LRRTM4: variants seen among roughly 807,000 people sequenced by gnomAD.
The protein encoded by LRRTM4 is leucine-rich repeat transmembrane neuronal protein 4.
In LRRTM4, 25 loss-of-function variants were observed where a neutral mutation model predicts 47.6. The ratio of observed to expected loss-of-function variants is 0.53; its 90% confidence interval spans 0.38 to 0.73. The LOEUF is 0.73. Ranked by LOEUF, LRRTM4 falls within the 30% of genes least tolerant of loss-of-function variation. LRRTM4 has a pLI of 0.00. For synonymous variants in LRRTM4, 311 were observed against 269.5 expected (o/e 1.15, Z -1.51); for missense variants, 638 against 713.4 (o/e 0.89, Z 1.20).
intron 3 of LRRTM4, among the ~76,000 whole-genome samples, chr2:76,758,955 A>T (rs2104075870): frequency 6.6e-6 from 1 of 152,288 alleles, no homozygotes; most frequent in African/African-American, 2.4e-5. Flanking sequence ...AATGAACATG[A>T]CTGTTTCCAT....
chr2:77,351,027 G>A (rs1479937696), intron 3 of LRRTM4, among the ~76,000 whole-genome samples: 1 of 152,204 alleles, frequency 6.6e-6, no homozygotes, highest in African/African-American at 2.4e-5. Context: ...TAGGTATTCA[G>A]CCTAGTACCC....
At chr2:77,122,262 G>C (rs1231370082) in intron 3 of LRRTM4, among the ~76,000 whole-genome samples, 4 of 151,412 alleles carry the variant, frequency 2.6e-5, no homozygotes, top group African/African-American at 9.7e-5. Flanking sequence ...TATGACCTTA[G>C]TGCAACATCA....
chr2:77,144,033 T>C (rs1001157840), intron 3 of LRRTM4, among the ~76,000 whole-genome samples: 7 of 152,146 alleles, frequency 4.6e-5, no homozygotes, highest in Admixed American at 2.0e-4. Context: ...GGACATTATC[T>C]GTGGAGGAGA....
intron 3 of LRRTM4, among the ~76,000 whole-genome samples, chr2:77,159,462 A>G (rs1032201992): frequency 5.3e-5 from 8 of 151,924 alleles, no homozygotes; most frequent in East Asian, 1.9e-4. Flanking sequence ...CATGGCACAC[A>G]TATACATATG....
chr2:77,182,592 C>T (rs544866213), intron 3 of LRRTM4, among the ~76,000 whole-genome samples: 106 of 152,142 alleles, frequency 7.0e-4, no homozygotes, highest in African/African-American at 2.3e-3. Flanking sequence ...TGGGCTGAGA[C>T]GATGGGGTTT....
At position 77,521,837 on chromosome 2, in the gene LRRTM4, C is replaced by CAAA. The variant is rs5832290; in HGVS notation, c.-147-22_-147-20dup. 5.5e-3 allele frequency: 856 copies of CAAA among 156,160 alleles called. 21 individuals are homozygous for CAAA. Among genetic ancestry groups the CAAA allele is most frequent in the African/African-American group, 0.028 (635 of 22,390 alleles). The allele number at this position is 156,160 out of a possible 1,614,324, so 9.7% of individuals were successfully genotyped here. A position where few individuals can be genotyped will look rare whatever the true frequency, so the allele number is the denominator to read the frequency against. ...ATACAAACTTCCCCGAGAGGACAGG[C>CAAA]AAAAAAAAAAAAAAAAAATACATAT... On this transcript the variant is annotated intron_variant, in intron 1 of 3. Coordinates refer to ENST00000409884, the MANE Select transcript of LRRTM4 (RefSeq NM_001134745.3).
At chr2:77,434,463 T>G (rs1167360671) in intron 3 of LRRTM4, among the ~76,000 whole-genome samples, 1 of 149,336 alleles carries the variant, frequency 6.7e-6, no homozygotes, top group Non-Finnish European at 1.5e-5. Flanking sequence ...AAAAAAAAAC[T>G]AATGGATTGA....
chr2:77,170,528 T>A (rs1383258930), intron 3 of LRRTM4, among the ~76,000 whole-genome samples: 3 of 152,146 alleles, frequency 2.0e-5, no homozygotes, highest in Non-Finnish European at 2.9e-5. Flanking sequence ...CCAATGGAGA[T>A]CTTAGATAAT....
At chr2:77,151,260 C>T (rs1157640445) in intron 3 of LRRTM4, among the ~76,000 whole-genome samples, 1 of 152,182 alleles carries the variant, frequency 6.6e-6, no homozygotes, top group East Asian at 1.9e-4. Flanking sequence ...GTACAGTAGA[C>T]TCCTCGAATT....
At position 77,483,378 on chromosome 2, in the gene LRRTM4, T is replaced by C. The variant is rs540217162; in HGVS notation, c.1551+34940A>G. 2.6e-5 allele frequency among the ~76,000 whole-genome samples: 4 copies of C among 152,194 alleles called. No homozygotes were observed. The South Asian group carries it at 6.2e-4, about 24-fold the overall frequency. ...GGTGGAGGGGGACAGTCTCTCTCTG[T>C]AGCCCATGCTGGAGTGCAATGGTAT... On this transcript the variant is annotated intron_variant, in intron 3 of 3. Transcript: ENST00000409884.
At position 76,748,806 on chromosome 2, in the gene LRRTM4, A is replaced by G; in HGVS notation, c.1662T>C (p.Ser554=). ...GGCCGGGGCTTTCGTCCTGCTCTGG[A>G]GACACTGTCTCATAGCCCTTGGTGA... ...LHVTKGYETV[S]PEQDESPGLE... is the part of the protein sequence containing the mutation. Residue 554 remains serine, a synonymous_variant, in exon 4 of 4, where the codon TCT becomes TCC. Coordinates refer to ENST00000409884, the MANE Select transcript of LRRTM4 (RefSeq NM_001134745.3). 2 of 1,613,972 alleles carry G rather than the reference A, an allele frequency of 1.2e-6. No individual in the cohort carries two copies. The highest frequency in any genetic ancestry group is 1.7e-6 in the Non-Finnish European group (2 of 1,179,886).
At chr2:76,751,988 C>T (rs1023931856) in intron 3 of LRRTM4, among the ~76,000 whole-genome samples, 1 of 152,130 alleles carries the variant, frequency 6.6e-6, no homozygotes, top group East Asian at 1.9e-4. Context: ...TACACTTTAA[C>T]TTAAATACAT....
At chr2:77,177,657 C>T (rs918806850) in intron 3 of LRRTM4, among the ~76,000 whole-genome samples, 19 of 152,200 alleles carry the variant, frequency 1.2e-4, no homozygotes, top group African/African-American at 4.6e-4. Context: ...ATGATCTCCA[C>T]TGACTAAATA....
At chr2:76,885,043 T>C (rs577781439) in intron 3 of LRRTM4, among the ~76,000 whole-genome samples, 4 of 152,054 alleles carry the variant, frequency 2.6e-5, no homozygotes, top group African/African-American at 9.7e-5. Context: ...TAGATAAAAA[T>C]ACTTATAATA....
In LRRTM4 at chr2:76,833,320, G is replaced by T. The variant is rs138926014; in HGVS notation, c.1552-84404C>A. 1.1e-3 allele frequency among the ~76,000 whole-genome samples: 167 copies of T among 152,144 alleles called. 2 individuals carry two copies. In the East Asian group the frequency reaches 0.023, roughly 21 times the overall value. ...CTGCAAACTCCGTGATTGTAAATATGCCATTTGTCCTCCAACTTTGTATGG... is the reference window on the plus strand; with the variant it reads ...CTGCAAACTCCGTGATTGTAAATATTCCATTTGTCCTCCAACTTTGTATGG... On this transcript the variant is annotated intron_variant, in intron 3 of 3. Coordinates refer to ENST00000409884, the MANE Select transcript of LRRTM4 (RefSeq NM_001134745.3).
At chr2:77,491,887 T>C (rs1362390217) in intron 3 of LRRTM4, among the ~76,000 whole-genome samples, 4 of 151,836 alleles carry the variant, frequency 2.6e-5, no homozygotes. Flanking sequence ...AAGCAAGACA[T>C]AGACTTTCTG....
At chr2:77,373,872 A>C (rs1672736620) in intron 3 of LRRTM4, among the ~76,000 whole-genome samples, 1 of 151,826 alleles carries the variant, frequency 6.6e-6, no homozygotes, top group South Asian at 2.1e-4. Context: ...GTTAACACCT[A>C]ATGAAAAGCC....
intron 3 of LRRTM4, among the ~76,000 whole-genome samples, chr2:77,258,856 A>G (rs1287315776): frequency 6.6e-6 from 1 of 152,048 alleles, no homozygotes; most frequent in Non-Finnish European, 1.5e-5. Flanking sequence ...TAATTAGAAT[A>G]ATATAAGAGT....
chr2:77,232,585 A>T lies in LRRTM4; in HGVS notation c.1551+285733T>A, dbSNP rs1266043136. Reference sequence around the variant, plus strand: ...TGTTTAGACACAAAGGTTTACTTTAATCCGAACTTCTTTGCTCTGGTTATG... The same window carrying T: ...TGTTTAGACACAAAGGTTTACTTTATTCCGAACTTCTTTGCTCTGGTTATG... On this transcript the variant is annotated intron_variant, in intron 3 of 3. Transcript: ENST00000409884. Among the ~76,000 whole-genome samples, 6 of 152,210 alleles carry T rather than the reference A, an allele frequency of 3.9e-5. No individual in the cohort carries two copies. In the East Asian group the frequency reaches 1.2e-3, roughly 29 times the overall value.
Sources: allele counts gnomAD v4.1 joint callset (sites outside exome capture counted in the v4.1 genomes callset), GRCh38; gene constraint gnomAD v4.1.1; transcripts MANE v1.5; gene names NCBI Gene and HGNC (gene_info 2026-07-23, HGNC 2026-07-21).